CCDC171: variants seen among roughly 807,000 people sequenced by gnomAD.
CCDC171 encodes coiled-coil domain-containing protein 171.
In CCDC171, 177 loss-of-function variants were observed where a neutral mutation model predicts 168.2. The ratio of observed to expected loss-of-function variants is 1.05; its 90% confidence interval spans 0.93 to 1.19. The LOEUF is 1.19. Ranked by LOEUF, CCDC171 falls within the 50% of genes most tolerant of loss-of-function variation. The probability of loss-of-function intolerance (pLI) is 0.00; values close to 1 mark genes in which losing one functional copy is unlikely to be tolerated. For missense variants in CCDC171, 1,991 were observed against 1,539.0 expected (o/e 1.29, Z -4.91); for synonymous variants, 687 against 540.8 (o/e 1.27, Z -3.75).
At chr9:16,072,087 A>T in the CCDC171 span, among the ~76,000 whole-genome samples, 6 of 152,234 alleles carry the variant, frequency 3.9e-5, no homozygotes, top group African/African-American at 1.4e-4. Context: ...AAGTAATTAA[A>T]TACTATTTTT....
chr9:16,052,233 G>T (rs1311607314), intron 1 of CCDC171, among the ~76,000 whole-genome samples: 2 of 152,176 alleles, frequency 1.3e-5, no homozygotes, highest in Non-Finnish European at 2.9e-5. Flanking sequence ...GAGGGAGAGA[G>T]GGAGGCTCTG....
intron 24 of CCDC171, among the ~76,000 whole-genome samples, chr9:15,913,580 G>A (rs1397502115): frequency 6.6e-6 from 1 of 151,954 alleles, no homozygotes; most frequent in African/African-American, 2.4e-5. Context: ...CTTGTGTTGG[G>A]TTAGAACATG....
intron 11 of CCDC171, among the ~76,000 whole-genome samples, chr9:15,714,024 A>G (rs780417922): frequency 1.3e-5 from 2 of 152,068 alleles, no homozygotes; most frequent in African/African-American, 2.4e-5. Flanking sequence ...AAATGTGTTG[A>G]TTTGTTTCAC....
intron 23 of CCDC171, among the ~76,000 whole-genome samples, chr9:15,864,455 C>A (rs2061687994): frequency 6.6e-6 from 1 of 151,984 alleles, no homozygotes; most frequent in Non-Finnish European, 1.5e-5. Flanking sequence ...GCTATCCCTC[C>A]CCCCGCTCCC....
Position 15,627,883 on chromosome 9 carries a change from C to T in CCDC171, c.822+4470C>T, listed in dbSNP as rs183744713. Among the ~76,000 whole-genome samples, 196 of 152,060 alleles carry T rather than the reference C, an allele frequency of 1.3e-3. 1 individual carries two copies. The Middle Eastern group carries it at 0.014, about 11-fold the overall frequency. ...ATTCCTGGATATCCTTGTTAACTTT[C>T]GTCTAGTTGATCTGTCTAATGTTGA... On this transcript the variant is annotated intron_variant, in intron 7 of 25. Transcript: ENST00000380701.
chr9:15,921,896 C>T (rs180947758), intron 25 of CCDC171, among the ~76,000 whole-genome samples: 2 of 151,546 alleles, frequency 1.3e-5, no homozygotes, highest in African/African-American at 4.8e-5. Flanking sequence ...TTGGGTCATA[C>T]TATTACTACT....
the CCDC171 span, among the ~76,000 whole-genome samples, chr9:16,092,954 G>A: frequency 1.3e-5 from 2 of 152,184 alleles, no homozygotes; most frequent in South Asian, 2.1e-4. Flanking sequence ...GGTGGTCCTC[G>A]TGCTGGCAGA....
intron 4 of CCDC171, among the ~76,000 whole-genome samples, chr9:15,587,265 A>G (rs746820511): frequency 6.6e-6 from 1 of 152,178 alleles, no homozygotes; most frequent in Non-Finnish European, 1.5e-5. Context: ...TGTAGCTGTC[A>G]TAATTCCCAT....
At chr9:15,850,583 C>T (rs78250054) in intron 23 of CCDC171, among the ~76,000 whole-genome samples, 3,633 of 151,968 alleles carry the variant, frequency 0.024, 155 homozygotes, top group African/African-American at 0.083. Context: ...AATATAGTGG[C>T]TTTAAAGTTA....
At chr9:15,869,495 A>G (rs894847924) in intron 23 of CCDC171, among the ~76,000 whole-genome samples, 8 of 142,300 alleles carry the variant, frequency 5.6e-5, no homozygotes, top group African/African-American at 2.0e-4. Context: ...ACTTACTAAG[A>G]GCCTCTGAAA....
At chr9:15,787,104 T>C (rs924755509) in intron 21 of CCDC171, among the ~76,000 whole-genome samples, 3 of 152,172 alleles carry the variant, frequency 2.0e-5, no homozygotes, top group Non-Finnish European at 2.9e-5. Flanking sequence ...ATATTTTTTC[T>C]TTTTCTTTTT....
chr9:15,661,479 A>G (rs2048321774), intron 8 of CCDC171, among the ~76,000 whole-genome samples: 1 of 152,182 alleles, frequency 6.6e-6, no homozygotes, highest in African/African-American at 2.4e-5. Context: ...TAAAATTAAT[A>G]TTTGATATCT....
At chr9:16,054,397 A>G (rs1446346731) in intron 1 of CCDC171, among the ~76,000 whole-genome samples, 2 of 152,202 alleles carry the variant, frequency 1.3e-5, no homozygotes, top group African/African-American at 2.4e-5. Flanking sequence ...GGGCTCCCAC[A>G]GGAGGTAACG....
chr9:16,036,374 GT>G (rs1833468546), intron 8 of CCDC171, among the ~76,000 whole-genome samples: 1 of 152,238 alleles, frequency 6.6e-6, no homozygotes, highest in Non-Finnish European at 1.5e-5. Flanking sequence ...GCCGGGCACG[GT>G]GGCTCACGCC....
At chr9:15,708,726 G>A (rs1238518821) in intron 11 of CCDC171, among the ~76,000 whole-genome samples, 1 of 151,984 alleles carries the variant, frequency 6.6e-6, no homozygotes, top group Admixed American at 6.6e-5. Context: ...TTTCCCTATA[G>A]TCTATCTAAC....
chr9:15,588,606 C>T (rs368284302), intron 4 of CCDC171: 20 of 291,216 alleles, frequency 6.9e-5, no homozygotes, highest in African/African-American at 1.8e-4. Context: ...GTGCTGGAGA[C>T]GCCAAGTGAA....
chr9:16,093,618 A>G, the CCDC171 span, among the ~76,000 whole-genome samples: 1 of 152,184 alleles, frequency 6.6e-6, no homozygotes, highest in Admixed American at 6.5e-5. Flanking sequence ...TCTCTCTCTG[A>G]TGTTGCCCAC....
At chr9:16,088,301 G>C in the CCDC171 span, among the ~76,000 whole-genome samples, 168 of 152,284 alleles carry the variant, frequency 1.1e-3, no homozygotes, top group African/African-American at 3.5e-3. Flanking sequence ...TTTTGCCTTT[G>C]AAAACTGGCA....
intron 24 of CCDC171, 144 bp from the exon 25 acceptor site, chr9:15,920,126 T>A (rs888630705): frequency 1.3e-5 from 6 of 467,126 alleles, no homozygotes; most frequent in African/African-American, 1.2e-4. Flanking sequence ...CAATATAAAA[T>A]GTTAGGTTTA....
Sources: allele counts gnomAD v4.1 joint callset (sites outside exome capture counted in the v4.1 genomes callset), GRCh38; gene constraint gnomAD v4.1.1; transcripts MANE v1.5; gene names NCBI Gene and HGNC (gene_info 2026-07-23, HGNC 2026-07-21).